Variants in CPXM2 observed in about 807,000 individuals in gnomAD.
The protein encoded by CPXM2 is carboxypeptidase X, M14 family member 2.
Under a neutral mutation model 86.1 loss-of-function variants are expected in CPXM2, and 66 were observed. The observed-to-expected ratio is 0.77, with a 90% CI of 0.63 to 0.94. The LOEUF is 0.94. Among genes scored for constraint, CPXM2 ranks in the 40% least tolerant of loss-of-function variants. The probability of loss-of-function intolerance (pLI) is 0.00; values close to 1 mark genes in which losing one functional copy is unlikely to be tolerated. For synonymous variants in CPXM2, 388 were observed against 400.2 expected (o/e 0.97, Z 0.36); for missense variants, 948 against 1,026.3 (o/e 0.92, Z 1.04).
intron 13 of CPXM2, chr10:123,750,869 C>A: frequency 1.0e-6 from 1 of 985,298 alleles, no homozygotes; most frequent in Non-Finnish European, 1.2e-6. Context: ...TGGCTGTTTT[C>A]CCCATGTCTT....
chr10:123,850,793 C>T (rs1428058879), intron 3 of CPXM2, among the ~76,000 whole-genome samples: 1 of 152,144 alleles, frequency 6.6e-6, no homozygotes, highest in Non-Finnish European at 1.5e-5. Context: ...GAATTTTCTA[C>T]CTGTGAAATT....
In CPXM2 at chr10:123,799,126, A is replaced by T; in HGVS notation, c.727T>A (p.Ser243Thr). 1 of 1,614,162 alleles carries T rather than the reference A, an allele frequency of 6.2e-7. No homozygotes were observed. The highest frequency in any genetic ancestry group is 8.5e-7 in the Non-Finnish European group (1 of 1,180,018). ...SHTWVTVKNG[S>T]GDMIFEGNSE... Reference sequence around the variant, plus strand: ...AGGATGAGACTCACCATGTCTCCAGATCCATTCTTAACAGTGACCCACGTG... The same window carrying T: ...AGGATGAGACTCACCATGTCTCCAGTTCCATTCTTAACAGTGACCCACGTG... Residue 243 changes from serine (S) to threonine (T), a missense_variant, in exon 5 of 14, where the codon TCT becomes ACT. Ser to Thr is a moderately conservative substitution (Grantham distance 58). Transcript: ENST00000241305.
intron 4 of CPXM2, among the ~76,000 whole-genome samples, chr10:123,831,782 T>G (rs1848170220): frequency 1.3e-5 from 2 of 152,058 alleles, no homozygotes; most frequent in Non-Finnish European, 2.9e-5. Context: ...CCCTAGTGAT[T>G]ACATTGGGCC....
chr10:123,918,524 C>G (rs1345866479), intron 2 of CPXM2, among the ~76,000 whole-genome samples: 1 of 152,226 alleles, frequency 6.6e-6, no homozygotes, highest in Non-Finnish European at 1.5e-5. Context: ...GGCTTAGACA[C>G]TAGAACAGCT....
rs140170323 is a variant in CPXM2, at chr10:123,817,442, C to T, written c.654-18243G>A. ...ATGACTCTCCTTTTGAGAGACAGCACTTGGCCTGTTACTGGGCTTTGGTGT... is the reference window on the plus strand; with the variant it reads ...ATGACTCTCCTTTTGAGAGACAGCATTTGGCCTGTTACTGGGCTTTGGTGT... On this transcript the variant is annotated intron_variant, in intron 4 of 13. Coordinates refer to ENST00000241305, the MANE Select transcript of CPXM2 (RefSeq NM_198148.3). Among the ~76,000 whole-genome samples the T allele has an allele frequency of 3.0e-3, 459 of 152,302 alleles. 3 individuals are homozygous for T. Among genetic ancestry groups the T allele is most frequent in the African/African-American group, 0.011 (446 of 41,574 alleles).
intron 3 of CPXM2, among the ~76,000 whole-genome samples, chr10:123,855,660 T>C (rs1848706434): frequency 6.6e-6 from 1 of 152,334 alleles, no homozygotes. Context: ...GTTGGTTCAA[T>C]GTTCTAAAAC....
chr10:123,899,286 A>ATCCATAAATTATACATAAAC (rs1312567908), intron 2 of CPXM2, among the ~76,000 whole-genome samples: 11,357 of 149,378 alleles, frequency 0.076, 2,153 homozygotes, highest in East Asian at 0.18. Flanking sequence ...TATACATAAA[A>ATCCATAAATTATACATAAAC]TCCATAAAGT....
intron 2 of CPXM2, among the ~76,000 whole-genome samples, chr10:123,929,016 G>T (rs986558216): frequency 1.3e-5 from 2 of 152,210 alleles, no homozygotes; most frequent in African/African-American, 4.8e-5. Flanking sequence ...CCTACAGGGG[G>T]CCTATAGCTG....
intron 4 of CPXM2, among the ~76,000 whole-genome samples, chr10:123,827,313 A>G (rs1432526134): frequency 6.6e-6 from 1 of 152,218 alleles, no homozygotes. Flanking sequence ...AAATGTATTC[A>G]GAACACAGAA....
chr10:123,863,416 C>T (rs74162961), intron 2 of CPXM2, among the ~76,000 whole-genome samples: 1 of 152,102 alleles, frequency 6.6e-6, no homozygotes, highest in Admixed American at 6.5e-5. Flanking sequence ...ACCGGGGGTC[C>T]CCGCATTGAG....
At chr10:123,808,449 C>T (rs969214221) in intron 4 of CPXM2, among the ~76,000 whole-genome samples, 8 of 152,078 alleles carry the variant, frequency 5.3e-5, no homozygotes, top group Non-Finnish European at 1.2e-4. Context: ...AAGCCAGGGT[C>T]GCCCCAGGGA....
chr10:123,784,819 T>C (rs1231821894), intron 6 of CPXM2, among the ~76,000 whole-genome samples: 1 of 152,178 alleles, frequency 6.6e-6, no homozygotes, highest in Admixed American at 6.5e-5. Flanking sequence ...TGACTAAGCC[T>C]TCTCCCGTTC....
chr10:123,783,708 G>A (rs757973613), intron 6 of CPXM2, among the ~76,000 whole-genome samples: 1 of 152,144 alleles, frequency 6.6e-6, no homozygotes, highest in Non-Finnish European at 1.5e-5. Context: ...TCGCTTATGT[G>A]AGCCCTAATT....
At chr10:123,762,302 A>C in intron 10 of CPXM2, 133 bp from the exon 11 acceptor site, 1 of 1,266,546 alleles carries the variant, frequency 7.9e-7, no homozygotes, top group East Asian at 2.5e-5. Context: ...TTTCAAAACC[A>C]ATTCTGGGAA....
Position 123,746,858 on chromosome 10 carries a change from A to G in CPXM2, c.2177T>C (p.Ile726Thr). The G allele has an allele frequency of 6.2e-7, 1 of 1,613,930 alleles. No homozygotes were observed. Among genetic ancestry groups the G allele is most frequent in the Non-Finnish European group, 8.5e-7 (1 of 1,179,996 alleles). ...FTLSKTNMAR[I>T]REIMEKFGKQ... is the part of the protein sequence containing the mutation. The stretch of plus-strand genomic sequence containing the variant: ...CCCAAACTTCTCCATGATCTCTCGG[A>G]TCCTGGCCATGTTGGTTTTGCTAAG... The change falls in exon 14 of 14, where the codon ATC (isoleucine) becomes ACC (threonine). Residue 726 changes from isoleucine to threonine, a missense_variant. Transcript: ENST00000241305.
intron 6 of CPXM2, among the ~76,000 whole-genome samples, chr10:123,783,972 CATTCTGCTCTGTCCAAATTGGTCTACTA>C (rs1219905721): frequency 6.6e-6 from 1 of 152,184 alleles, no homozygotes; most frequent in Non-Finnish European, 1.5e-5. Flanking sequence ...ACTACTCAAG[CATTCTGCTCTGTCCAAATTGGTCTACTA>C]ATCCTGCCCT....
At chr10:123,884,554 G>T (rs997093843) in intron 1 of CPXM2, among the ~76,000 whole-genome samples, 1 of 152,206 alleles carries the variant, frequency 6.6e-6, no homozygotes, top group Non-Finnish European at 1.5e-5. Context: ...TTGAGCAGTG[G>T]ACTGATGCGC....
intron 2 of CPXM2, among the ~76,000 whole-genome samples, chr10:123,938,975 C>T (rs1247569283): frequency 2.0e-5 from 3 of 152,082 alleles, no homozygotes; most frequent in Non-Finnish European, 4.4e-5. Context: ...TCTGATCAGA[C>T]AAACTAGAGC....
intron 10 of CPXM2, among the ~76,000 whole-genome samples, chr10:123,765,232 A>G (rs1160166565): frequency 6.6e-6 from 1 of 152,204 alleles, no homozygotes; most frequent in Non-Finnish European, 1.5e-5. Flanking sequence ...TACGTCCCTT[A>G]TGTCAAACCT....
Sources: gnomAD v4.1 joint callset for allele counts (sites outside exome capture counted in the v4.1 genomes callset) on GRCh38, gnomAD v4.1.1 for gene constraint, MANE v1.5 for transcripts, NCBI Gene and HGNC (gene_info 2026-07-23, HGNC 2026-07-21) for gene names.